The following AP4M1 variants were observed in gnomAD, a reference collection of about 807,000 sequenced individuals.
The protein encoded by AP4M1 is AP-4 complex subunit mu-1.
In AP4M1, 58 loss-of-function variants were observed where a neutral mutation model predicts 62.4. The observed-to-expected ratio is 0.93, with a 90% CI of 0.75 to 1.16. The LOEUF is 1.16. Ranked by LOEUF, AP4M1 falls within the 50% of genes most tolerant of loss-of-function variation. The pLI is 0.00. For synonymous variants in AP4M1, 290 were observed against 239.7 expected (o/e 1.21, Z -1.94); for missense variants, 626 against 585.4 (o/e 1.07, Z -0.72).
chr7:100,104,305 GCCAGGAGTTTGAAA>G, intron 7 of AP4M1, 151 bp downstream of exon 7: 1 of 747,490 alleles, frequency 1.3e-6, no homozygotes, highest in South Asian at 1.5e-5. Flanking sequence ...ATTACTTGGG[GCCAGGAGTTTGAAA>G]CCAGCCTGGG....
intron 4 of AP4M1, 151 bp downstream of exon 4, chr7:100,103,111 GC>G: frequency 1.5e-6 from 1 of 674,426 alleles, no homozygotes; most frequent in Non-Finnish European, 2.4e-6. Context: ...TTGCTCTGTT[GC>G]CCAGGCTGGA....
At chr7:100,101,259 C>A (rs1478942209), upstream of AP4M1, 4 of 1,613,186 alleles carry the variant, frequency 2.5e-6, no homozygotes, top group Non-Finnish European at 3.4e-6. Flanking sequence ...CTCGTAGACC[C>A]GTACCCTTCT....
At chr7:100,106,588 C>T in intron 14 of AP4M1, 70 bp from the exon 15 acceptor site, 2 of 1,544,908 alleles carry the variant, frequency 1.3e-6, no homozygotes, top group Non-Finnish European at 8.9e-7. Flanking sequence ...CCCGAAGCAG[C>T]TGCTGCCTGG....
At position 100,104,880 on chromosome 7, in the gene AP4M1, C is replaced by T. The variant is rs753690677; in HGVS notation, c.613C>T (p.Leu205=). 5.0e-6 allele frequency: 8 copies of T among 1,614,056 alleles called. No homozygotes were observed. In the African/African-American group the frequency reaches 8.0e-5, roughly 16 times the overall value. The change falls in exon 8 of 15, where the codon CTG becomes TTG. Residue 205 remains leucine, a synonymous_variant. Transcript: ENST00000359593. ...LSVLIASNGS[L]LKVDVQGEIR... ...TGACGCCCCTGCCTCTCAGGGATCC[C>T]TGCTGAAGGTGGATGTGCAGGGAGA...
At chr7:100,103,556 G>T (rs761642556) in intron 5 of AP4M1, 37 bp downstream of exon 5, 16 of 1,613,758 alleles carry the variant, frequency 9.9e-6, no homozygotes, top group East Asian at 2.2e-5. Flanking sequence ...GGAAAGAGAA[G>T]AGGGGTTGGC....
Position 100,107,338 on chromosome 7 carries a change from G to C in AP4M1, c.*456G>C, listed in dbSNP as rs1401686223. ...GGAGGGGGACTGTCCCCAGCCTCCTGCTTCCCCCCACAAAGGGCACTGCCG... is the reference window on the plus strand; with the variant it reads ...GGAGGGGGACTGTCCCCAGCCTCCTCCTTCCCCCCACAAAGGGCACTGCCG... On this transcript the variant is annotated 3_prime_UTR_variant, in exon 15 of 15. Transcript: ENST00000359593. 1.9e-6 allele frequency: 3 copies of C among 1,547,260 alleles called. No individual in the cohort carries two copies. Among genetic ancestry groups the C allele is most frequent in the Non-Finnish European group, 2.6e-6 (3 of 1,145,994 alleles).
In AP4M1 at chr7:100,101,907, T is replaced by C. The variant is rs754300215; in HGVS notation, c.86T>C (p.Val29Ala). The C allele has an allele frequency of 3.7e-6, 6 of 1,612,946 alleles. No individual in the cohort carries two copies. Among genetic ancestry groups the C allele is most frequent in the Admixed American group, 1.7e-5 (1 of 60,014 alleles). The change falls in exon 2 of 15, where the codon GTG becomes GCG. Residue 29 changes from valine (V) to alanine (A), a missense_variant. Transcript: ENST00000359593. ...DFRGDSGGRD[V>A]AELFYRKLTG... ...CGCGGGGACAGTGGCGGCCGGGATG[T>C]GGCCGAGCTCTTCTACCGGAAGCTG...
At position 100,105,324 on chromosome 7, in the gene AP4M1, G is replaced by T; in HGVS notation, c.812G>T (p.Arg271Leu). 2 of 1,613,948 alleles carry T rather than the reference G, an allele frequency of 1.2e-6. No individual in the cohort carries two copies. Among genetic ancestry groups the T allele is most frequent in the South Asian group, 1.1e-5 (1 of 91,074 alleles). ...LDEFESHRIL[R>L]LQPPQGELTV... is the part of the protein sequence containing the mutation. ...GAATTTGAGTCTCATCGAATCCTCC[G>T]CTTGCAACCACCTCAGGGCGAGGTC... The change falls in exon 10 of 15, where the codon CGC becomes CTC. Residue 271 changes from arginine to leucine, a missense_variant. By Grantham distance (102) the Arg-to-Leu change is moderately radical. Coordinates refer to ENST00000359593, the MANE Select transcript of AP4M1 (RefSeq NM_004722.4).
At chr7:100,101,202 C>A, upstream of AP4M1, 1 of 1,602,888 alleles carries the variant, frequency 6.2e-7, no homozygotes. Flanking sequence ...CAGCTCACAC[C>A]AACAGGTGTT....
intron 1 of AP4M1, 30 bp from the exon 2 acceptor site, chr7:100,101,850 G>T (rs2116615798): frequency 6.2e-7 from 1 of 1,612,644 alleles, no homozygotes; most frequent in African/African-American, 1.3e-5. Context: ...TGTGTCGCAG[G>T]ATCCTTCACT....
rs1302841163 is a variant in AP4M1 at position 100,107,900 on chromosome 7, G to A, written c.*1018G>A. ...CTGAGGTAACCCAGGCCCTCCAGAT[G>A]CTCCCTGTCCCACAGCTCTGCATAC... On this transcript the variant is annotated 3_prime_UTR_variant, in exon 15 of 15. Coordinates refer to ENST00000359593, the MANE Select transcript of AP4M1 (RefSeq NM_004722.4). The A allele has an allele frequency of 3.2e-6, 5 of 1,579,392 alleles. No individual in the cohort carries two copies. The highest frequency in any genetic ancestry group is 4.3e-6 in the Non-Finnish European group (5 of 1,159,670).
rs1426089400 is a variant in AP4M1, at chr7:100,107,729, A to G, written c.*847A>G. 2.7e-5 allele frequency: 40 copies of G among 1,497,022 alleles called. No homozygotes were observed. Among genetic ancestry groups the G allele is most frequent in the Non-Finnish European group, 3.3e-5 (37 of 1,119,238 alleles). The allele number at this position is 1,497,022 out of a possible 1,614,324, so 92.7% of individuals were successfully genotyped here. On this transcript the variant is annotated 3_prime_UTR_variant, in exon 15 of 15. Transcript: ENST00000359593. ...CCCTGCCTGAACAAGTTGTTCCTGT[A>G]GTTCACCCTGTAGACAGCTATGGCT...
In AP4M1 at chr7:100,107,813, C is replaced by G; in HGVS notation, c.*931C>G. 1.4e-6 allele frequency: 2 copies of G among 1,428,674 alleles called. No homozygotes were observed. Among genetic ancestry groups the G allele is most frequent in the Non-Finnish European group, 1.9e-6 (2 of 1,068,132 alleles). The allele number at this position is 1,428,674 out of a possible 1,614,324, so 88.5% of individuals were successfully genotyped here. On this transcript the variant is annotated 3_prime_UTR_variant, in exon 15 of 15. Coordinates refer to ENST00000359593, the MANE Select transcript of AP4M1 (RefSeq NM_004722.4). ...TGCAGGACCCTGGTGGGCGCCTCTT[C>G]CAGCTCTTGACTTGGGGCCCAGAGG...
At position 100,106,706 on chromosome 7, in the gene AP4M1, T is replaced by G; in HGVS notation, c.1186T>G (p.Ser396Ala). Residue 396 changes from serine to alanine, a missense_variant, in exon 15 of 15, where the codon TCG (serine) becomes GCG (alanine). Ser to Ala is a moderately conservative substitution (Grantham distance 99). Coordinates refer to ENST00000359593, the MANE Select transcript of AP4M1 (RefSeq NM_004722.4). ...ACCTCCCAGCCATGGGCTCTCCACC[T>G]CGGCCTCTCCTCTGGGGCTGGGCCC... The part of the protein sequence containing the change: ...PGPPSHGLST[S>A]ASPLGLGPAS... The G allele has an allele frequency of 6.2e-7, 1 of 1,613,574 alleles. No individual in the cohort carries two copies. Among genetic ancestry groups the G allele is most frequent in the Non-Finnish European group, 8.5e-7 (1 of 1,180,006 alleles).
intron 7 of AP4M1, 40 bp downstream of exon 7, chr7:100,104,194 G>A (rs1172310357): frequency 2.5e-6 from 4 of 1,581,360 alleles, no homozygotes; most frequent in Non-Finnish European, 3.5e-6. Context: ...AGGACAGATG[G>A]GACTTGGGAA....
In AP4M1 at chr7:100,105,077, G is replaced by A; in HGVS notation, c.706G>A (p.Val236Met). 1 of 1,614,198 alleles carries A rather than the reference G, an allele frequency of 6.2e-7. No homozygotes were observed. ...MRIGLTEEFCVGKSELRGYGP... is the reference protein window; with the variant it reads ...MRIGLTEEFCMGKSELRGYGP... ...CATTGGCTTGACGGAAGAGTTTTGT[G>A]TGGGGAAGTCAGAGCTGAGAGGTGA... is the stretch of plus-strand genomic sequence containing the variant. Residue 236 changes from valine (V) to methionine (M), a missense_variant, in exon 9 of 15, where the codon GTG becomes ATG. Coordinates refer to ENST00000359593, the MANE Select transcript of AP4M1 (RefSeq NM_004722.4).
chr7:100,103,996 C>CTG, intron 6 of AP4M1, 96 bp from the exon 7 acceptor site: 1 of 1,100,624 alleles, frequency 9.1e-7, no homozygotes, highest in Non-Finnish European at 1.4e-6. Context: ...CACCCTAGAG[C>CTG]TGTAGCTTTG....
intron 3 of AP4M1, 23 bp downstream of exon 3, chr7:100,102,804 C>A: frequency 6.2e-7 from 1 of 1,613,234 alleles, no homozygotes. Flanking sequence ...GGGCTGGGCA[C>A]CTGGTAGCTA....
At chr7:100,104,577 T>C (rs1796311941) in intron 7 of AP4M1, among the ~76,000 whole-genome samples, 1 of 151,984 alleles carries the variant, frequency 6.6e-6, no homozygotes, top group South Asian at 2.1e-4. Flanking sequence ...ATGCCTGTAA[T>C]CCCAGCACTT....
Sources: gnomAD v4.1 joint callset for allele counts (sites outside exome capture counted in the v4.1 genomes callset) on GRCh38, gnomAD v4.1.1 for gene constraint, MANE v1.5 for transcripts, NCBI Gene and HGNC (gene_info 2026-07-23, HGNC 2026-07-21) for gene names.